The following GFRA1 variants were observed in gnomAD, a reference collection of about 807,000 sequenced individuals.
GFRA1 encodes the protein GDNF family receptor alpha-1.
A neutral mutation model predicts 51.6 loss-of-function variants in GFRA1; 16 were observed. The ratio of observed to expected loss-of-function variants is 0.31; its 90% CI spans 0.21 to 0.47. The LOEUF is 0.47. Ranked by LOEUF, GFRA1 falls within the 20% of genes least tolerant of loss-of-function variation. GFRA1 has a pLI of 1.00. For missense variants in GFRA1, 530 were observed against 594.3 expected, an observed-to-expected ratio of 0.89 and a Z score of 1.13; for synonymous variants, 270 against 241.3, an observed-to-expected ratio of 1.12 and a Z score of -1.10.
chr10:116,247,220 T>C (rs1967938161), intron 4 of GFRA1, among the ~76,000 whole-genome samples: 1 of 152,098 alleles, frequency 6.6e-6, no homozygotes, highest in African/African-American at 2.4e-5. Flanking sequence ...TTTCTCTCCT[T>C]CTCTCACTCC....
At chr10:116,147,648 A>C (rs1199380436) in intron 5 of GFRA1, among the ~76,000 whole-genome samples, 1 of 152,132 alleles carries the variant, frequency 6.6e-6, no homozygotes. Context: ...AGCACATCAA[A>C]CTTCTTTTTG....
intron 6 of GFRA1, among the ~76,000 whole-genome samples, chr10:116,119,977 C>T (rs892879889): frequency 6.6e-6 from 1 of 152,218 alleles, no homozygotes; most frequent in African/African-American, 2.4e-5. Context: ...TGCTGTTCTC[C>T]TGGAGCTGTG....
intron 4 of GFRA1, among the ~76,000 whole-genome samples, chr10:116,230,928 G>A (rs1966640094): frequency 6.6e-6 from 1 of 152,162 alleles, no homozygotes; most frequent in African/African-American, 2.4e-5. Context: ...GATGGGTGGA[G>A]CATCCCAGTG....
In GFRA1 at chr10:116,272,009, G is replaced by A; in HGVS notation, c.21C>T (p.Tyr7=). MFLATL[Y]FALPLLDLLL... ...ACTTACCCAAGAGCGGCAGCGCGAAGTACAGGGTCGCCAGGAACATGGTGC... is the reference window on the plus strand; with the variant it reads ...ACTTACCCAAGAGCGGCAGCGCGAAATACAGGGTCGCCAGGAACATGGTGC... Residue 7 remains tyrosine (Y), a synonymous_variant, in exon 2 of 11, where the codon TAC becomes TAT. Transcript: ENST00000355422. The surrounding 1 kb of genome is among the most constrained non-coding windows in gnomAD (Gnocchi z 4.4). The A allele has an allele frequency of 6.4e-7, 1 of 1,558,310 alleles. No individual in the cohort carries two copies. Among genetic ancestry groups the A allele is most frequent in the Non-Finnish European group, 8.7e-7 (1 of 1,151,786 alleles).
In GFRA1 at chr10:116,070,107, A is replaced by T. The variant is rs569040946; in HGVS notation, c.1198-4481T>A. On this transcript the variant is annotated intron_variant, in intron 9 of 10. Coordinates refer to ENST00000355422, the MANE Select transcript of GFRA1 (RefSeq NM_005264.8). ...AAACCAGGGGAAGTTGCCCAATCCA[A>T]TAGCAACAGACTGTCCAGTCTGCAG... is the stretch of plus-strand genomic sequence containing the variant. Among the ~76,000 whole-genome samples the T allele has an allele frequency of 2.6e-5, 4 of 152,282 alleles. No homozygotes were observed. In the East Asian group the frequency reaches 7.7e-4, roughly 29 times the overall value.
chr10:116,233,305 G>C (rs1257126785), intron 4 of GFRA1, among the ~76,000 whole-genome samples: 1 of 151,870 alleles, frequency 6.6e-6, no homozygotes, highest in African/African-American at 2.4e-5. Flanking sequence ...ACCAGCCTGG[G>C]CGACAGAGTG....
chr10:116,221,348 C>A (rs1277605188), intron 4 of GFRA1, among the ~76,000 whole-genome samples: 1 of 152,120 alleles, frequency 6.6e-6, no homozygotes, highest in African/African-American at 2.4e-5. Flanking sequence ...CATTGATAGA[C>A]GTGTGGAAGG....
At chr10:116,215,958 T>C (rs1467198380) in intron 4 of GFRA1, among the ~76,000 whole-genome samples, 1 of 152,120 alleles carries the variant, frequency 6.6e-6, no homozygotes, top group East Asian at 1.9e-4. Flanking sequence ...GTGATTCAGA[T>C]GTGGGAGGAA....
chr10:116,230,984 G>A (rs907050032), intron 4 of GFRA1, among the ~76,000 whole-genome samples: 2 of 152,140 alleles, frequency 1.3e-5, no homozygotes, highest in Non-Finnish European at 2.9e-5. Flanking sequence ...AAGGTGGGTA[G>A]GACAGGGCTA....
chr10:116,209,029 G>A (rs1189067899), intron 5 of GFRA1, among the ~76,000 whole-genome samples: 3 of 152,160 alleles, frequency 2.0e-5, no homozygotes, highest in Non-Finnish European at 4.4e-5. Flanking sequence ...CCTGGAACTC[G>A]TATGTAGAAA....
At chr10:116,140,894 A>G (rs1424039523) in intron 5 of GFRA1, among the ~76,000 whole-genome samples, 1 of 152,358 alleles carries the variant, frequency 6.6e-6, no homozygotes, top group South Asian at 2.1e-4. Flanking sequence ...AAAGATATCT[A>G]CAGGAGATTA....
chr10:116,106,827 A>T (rs1727432896), intron 6 of GFRA1, among the ~76,000 whole-genome samples: 1 of 152,146 alleles, frequency 6.6e-6, no homozygotes, highest in South Asian at 2.1e-4. Flanking sequence ...TCTGGGACAC[A>T]GGGACAGATC....
intron 9 of GFRA1, among the ~76,000 whole-genome samples, chr10:116,089,403 C>T (rs929031190): frequency 6.6e-6 from 1 of 152,136 alleles, no homozygotes; most frequent in Non-Finnish European, 1.5e-5. Context: ...ACAGAATCAG[C>T]ATAATAAATA....
At chr10:116,238,542 T>TG (rs373101161) in intron 4 of GFRA1, among the ~76,000 whole-genome samples, 45 of 152,348 alleles carry the variant, frequency 3.0e-4, no homozygotes, top group African/African-American at 9.9e-4. Context: ...AACAAGGGAC[T>TG]GATCGGAAAA....
chr10:116,178,304 G>GGT (rs1555163922), intron 5 of GFRA1, among the ~76,000 whole-genome samples: 1 of 150,874 alleles, frequency 6.6e-6, no homozygotes, highest in African/African-American at 2.4e-5. Context: ...GGGGCCGGGG[G>GGT]GGCGTTTTAC....
rs1565572380 is a variant in GFRA1 at position 116,096,746 on chromosome 10, A to G, written c.789T>C (p.Phe263=). The change falls in exon 7 of 11, where the codon TTT becomes TTC. Residue 263 remains phenylalanine, a synonymous_variant. Transcript: ENST00000355422. The stretch of plus-strand genomic sequence containing the variant: ...TTGACTCTGGCTGGCAGTTGGTAAA[A>G]AAATCCGCAAGGCGAGATCTACAAT... ...NYICRSRLAD[F]FTNCQPESRS... 5 of 1,610,024 alleles carry G rather than the reference A, an allele frequency of 3.1e-6. No homozygotes were observed. Among genetic ancestry groups the G allele is most frequent in the Admixed American group, 3.3e-5 (2 of 59,910 alleles).
At chr10:116,198,837 T>C (rs564511678) in intron 5 of GFRA1, among the ~76,000 whole-genome samples, 2 of 152,330 alleles carry the variant, frequency 1.3e-5, no homozygotes, top group South Asian at 4.1e-4. Flanking sequence ...AACCTCAGCA[T>C]GTGACCTTAT....
Position 116,096,731 on chromosome 10 carries a change from C to A in GFRA1, c.804G>T (p.Gln268His), listed in dbSNP as rs138886956. Residue 268 changes from glutamine to histidine, a missense_variant, in exon 7 of 11, where the codon CAG (glutamine) becomes CAT (histidine). Transcript: ENST00000355422. ...AGCTGCTGACAGACCTTGACTCTGG[C>A]TGGCAGTTGGTAAAAAAATCCGCAA... ...SRLADFFTNCQPESRSVSSCL... is the reference protein window; with the variant it reads ...SRLADFFTNCHPESRSVSSCL... The A allele has an allele frequency of 9.3e-6, 15 of 1,612,472 alleles. No individual in the cohort carries two copies. Among genetic ancestry groups the A allele is most frequent in the Middle Eastern group, 1.6e-4 (1 of 6,080 alleles).
chr10:116,273,635 CAG>C (rs1844108574), upstream of GFRA1, among the ~76,000 whole-genome samples: 1 of 95,154 alleles, frequency 1.1e-5, no homozygotes, highest in South Asian at 5.2e-4. Flanking sequence ...CGGGTGCTGC[CAG>C]ACACACACAC....
Sources: gnomAD v4.1 joint callset for allele counts (sites outside exome capture counted in the v4.1 genomes callset) on GRCh38, gnomAD v4.1.1 for gene constraint, Gnocchi (gnomAD v3.1) non-coding constraint, MANE v1.5 for transcripts, NCBI Gene and HGNC (gene_info 2026-07-23, HGNC 2026-07-21) for gene names.